The following GALNT1 variants were observed in gnomAD, a reference collection of about 807,000 sequenced individuals.
The protein encoded by GALNT1 is polypeptide N-acetylgalactosaminyltransferase 1, also known as GalNAc transferase 1.
A neutral mutation model predicts 65.7 loss-of-function variants in GALNT1; 17 were observed. The observed-to-expected ratio is 0.26, with a 90% CI of 0.18 to 0.39. The LOEUF (loss-of-function observed/expected upper bound fraction) is 0.39, where lower values mean the gene tolerates loss of function less well. Ranked by LOEUF, GALNT1 falls within the 10% of genes least tolerant of loss-of-function variation. The pLI, the probability that GALNT1 is intolerant of heterozygous loss-of-function variation, is 1.00. For synonymous variants in GALNT1, 210 were observed against 219.7 expected, an observed-to-expected ratio of 0.96 and a Z score of 0.39; for missense variants, 460 against 672.8, an observed-to-expected ratio of 0.68 and a Z score of 3.50.
At position 35,710,057 on chromosome 18, in the gene GALNT1, GA is replaced by G. The variant is rs1040003199; in HGVS notation, c.*295del. 11 of 292,830 alleles carry G rather than the reference GA, an allele frequency of 3.8e-5. No individual in the cohort carries two copies. Among genetic ancestry groups the G allele is most frequent in the East Asian group, 1.2e-4 (2 of 17,080 alleles). 18.1% of individuals were successfully genotyped at this position (292,830 alleles called of 1,614,324 possible). A position where few individuals can be genotyped will look rare whatever the true frequency, so the allele number is the denominator to read the frequency against. On this transcript the variant is annotated 3_prime_UTR_variant, in exon 12 of 12. Coordinates refer to ENST00000269195, the MANE Select transcript of GALNT1 (RefSeq NM_020474.4). The stretch of plus-strand genomic sequence containing the variant: ...TCATGGTAAAGAATACTGAGACAAT[GA>G]AAAAAAATCAACAAAATATGCTTTC...
At chr18:35,629,830 C>T (rs1031138868) in intron 1 of GALNT1, among the ~76,000 whole-genome samples, 1 of 152,134 alleles carries the variant, frequency 6.6e-6, no homozygotes, top group African/African-American at 2.4e-5. Context: ...TGCAGAGACA[C>T]ACATGGGCTC....
chr18:35,645,887 G>A (rs757165435), intron 1 of GALNT1, among the ~76,000 whole-genome samples: 1 of 152,134 alleles, frequency 6.6e-6, no homozygotes, highest in Non-Finnish European at 1.5e-5. Context: ...GAAGTTTTCG[G>A]TTGCTGAGTA....
intron 8 of GALNT1, among the ~76,000 whole-genome samples, chr18:35,691,480 C>T (rs1394595549): frequency 6.6e-6 from 1 of 152,034 alleles, no homozygotes; most frequent in Non-Finnish European, 1.5e-5. Flanking sequence ...AGTATTTATT[C>T]CTGTGAAGTT....
At chr18:35,628,804 A>G (rs1263080743) in intron 1 of GALNT1, among the ~76,000 whole-genome samples, 1 of 152,242 alleles carries the variant, frequency 6.6e-6, no homozygotes, top group African/African-American at 2.4e-5. Flanking sequence ...AACGCAAAGA[A>G]GTTAAAAACC....
At chr18:35,630,299 G>C (rs1026638325) in intron 1 of GALNT1, among the ~76,000 whole-genome samples, 1 of 152,108 alleles carries the variant, frequency 6.6e-6, no homozygotes, top group African/African-American at 2.4e-5. Context: ...TCACATAGTT[G>C]GAAGTAAAGC....
At chr18:35,664,713 A>G (rs968012273) in intron 3 of GALNT1, among the ~76,000 whole-genome samples, 24 of 152,262 alleles carry the variant, frequency 1.6e-4, no homozygotes, top group Admixed American at 1.6e-3. Context: ...AATACAAGGT[A>G]CTAGAGTACC....
intron 9 of GALNT1, among the ~76,000 whole-genome samples, chr18:35,699,351 T>G (rs1029401374): frequency 1.3e-5 from 2 of 152,206 alleles, no homozygotes; most frequent in Admixed American, 1.3e-4. Context: ...CCATATCAAA[T>G]CTGCCTTTTA....
At chr18:35,598,009 CTCCCCTCCCCTCCAATCCCCTCCCA>C (rs1164680405) in intron 1 of GALNT1, among the ~76,000 whole-genome samples, 49 of 81,272 alleles carry the variant, frequency 6.0e-4, no homozygotes, top group South Asian at 1.2e-3. Flanking sequence ...CTCCCCTCCC[CTCCCCTCCCCTCCAATCCCCTCCCA>C]TCCCCTCCCC....
In GALNT1 at chr18:35,654,806, G is replaced by T; in HGVS notation, c.139+5G>T. On this transcript the variant is annotated splice_donor_5th_base_variant and intron_variant, in intron 2 of 11. Transcript: ENST00000269195. ...GAGGACTTCCTGCTGGAGATGGTGA[G>T]TGACATTTTATAATAGAGCTGTTTT... 1 of 1,546,930 alleles carries T rather than the reference G, an allele frequency of 6.5e-7. No homozygotes were observed. The highest frequency in any genetic ancestry group is 8.7e-7 in the Non-Finnish European group (1 of 1,143,566).
At chr18:35,701,071 CTTT>C (rs998960203) in intron 9 of GALNT1, among the ~76,000 whole-genome samples, 1 of 146,544 alleles carries the variant, frequency 6.8e-6, no homozygotes, top group East Asian at 2.0e-4. Flanking sequence ...ACAATATGAA[CTTT>C]TTTTTTTTTC....
intron 3 of GALNT1, among the ~76,000 whole-genome samples, chr18:35,668,554 G>GT (rs1332491785): frequency 1.3e-5 from 2 of 152,164 alleles, no homozygotes; most frequent in East Asian, 1.9e-4. Context: ...ATTATATGAG[G>GT]TTTTTTAAAA....
intron 2 of GALNT1, among the ~76,000 whole-genome samples, chr18:35,658,895 A>G (rs1020311705): frequency 6.6e-6 from 1 of 151,962 alleles, no homozygotes; most frequent in Non-Finnish European, 1.5e-5. Flanking sequence ...TTTTTAGTAG[A>G]GACGGAGTTT....
At chr18:35,668,910 T>A (rs1486876718) in intron 3 of GALNT1, among the ~76,000 whole-genome samples, 1 of 152,122 alleles carries the variant, frequency 6.6e-6, no homozygotes, top group Admixed American at 6.6e-5. Flanking sequence ...AAAGAAAGTA[T>A]AAGTTCTATA....
intron 8 of GALNT1, among the ~76,000 whole-genome samples, chr18:35,691,473 A>G (rs1466233862): frequency 6.6e-6 from 1 of 152,090 alleles, no homozygotes; most frequent in African/African-American, 2.4e-5. Flanking sequence ...AACATTTAGT[A>G]TTTATTCCTG....
At chr18:35,592,345 T>C (rs1166254013) in intron 1 of GALNT1, among the ~76,000 whole-genome samples, 2 of 152,048 alleles carry the variant, frequency 1.3e-5, no homozygotes, top group African/African-American at 4.8e-5. Flanking sequence ...ATGGGAGAAA[T>C]GACATTTCAG....
At chr18:35,650,890 T>TGA (rs2047303480) in intron 1 of GALNT1, among the ~76,000 whole-genome samples, 3 of 152,008 alleles carry the variant, frequency 2.0e-5, no homozygotes, top group Non-Finnish European at 4.4e-5. Context: ...AAGAAGATGA[T>TGA]GAGATTAAGA....
chr18:35,592,496 GAAGGGCCATTGGTGC>G lies in GALNT1; in HGVS notation c.-104+10640_-104+10654del, dbSNP rs545474347. On this transcript the variant is annotated intron_variant, in intron 1 of 11. Transcript: ENST00000269195. Reference sequence around the variant, plus strand: ...AAGGAACTGAAATACCAGTGTGGCTGAAGGGCCATTGGTGCAAGGGATGGGGGTGGGGTGAGATGA... The same window carrying G: ...AAGGAACTGAAATACCAGTGTGGCTGAAGGGATGGGGGTGGGGTGAGATGA... Among the ~76,000 whole-genome samples, 48 of 152,272 alleles carry G rather than the reference GAAGGGCCATTGGTGC, an allele frequency of 3.2e-4. 1 individual carries two copies. The East Asian group carries it at 9.1e-3, about 29-fold the overall frequency.
intron 1 of GALNT1, among the ~76,000 whole-genome samples, chr18:35,639,118 G>A (rs1007096558): frequency 2.6e-5 from 4 of 152,202 alleles, no homozygotes; most frequent in African/African-American, 9.7e-5. Context: ...GAGAGGATTG[G>A]CTTCAATTTC....
At chr18:35,634,458 A>G (rs1314192508) in intron 1 of GALNT1, among the ~76,000 whole-genome samples, 1 of 152,224 alleles carries the variant, frequency 6.6e-6, no homozygotes, top group Non-Finnish European at 1.5e-5. Context: ...ACTAACAGCC[A>G]GGATTTATTA....
Sources: gnomAD v4.1 joint callset for allele counts (sites outside exome capture counted in the v4.1 genomes callset) on GRCh38, gnomAD v4.1.1 for gene constraint, MANE v1.5 for transcripts, NCBI Gene and HGNC (gene_info 2026-07-23, HGNC 2026-07-21) for gene names.